KREMEN1: variants seen among roughly 807,000 people sequenced by gnomAD.
KREMEN1 encodes kremen protein 1.
A neutral mutation model predicts 46.5 loss-of-function variants in KREMEN1; 30 were observed. That is an observed-to-expected ratio of 0.65 (90% CI 0.48 to 0.88). The LOEUF (loss-of-function observed/expected upper bound fraction) is 0.88. KREMEN1 is among the 40% of genes least tolerant of loss of function. The pLI is 0.00. For synonymous variants in KREMEN1, 214 were observed against 230.6 expected (o/e 0.93, Z 0.65); for missense variants, 533 against 596.9 (o/e 0.89, Z 1.11).
At position 29,141,977 on chromosome 22, in the gene KREMEN1, G is replaced by A. The variant is rs16987147; in HGVS notation, c.1242G>A (p.Arg414=). ...GTGTTCCTGCTTCAGGGGACCTTAG[G>A]GATTGTCATCAACCAGGGACTTCGG... ...SHRVPASGDL[R]DCHQPGTSGE... is the part of the protein sequence containing the mutation. The change falls in exon 9 of 9, where the codon AGG becomes AGA. Residue 414 remains arginine, a synonymous_variant. Coordinates refer to ENST00000400335, the MANE Select transcript of KREMEN1 (RefSeq NM_001039570.3). The A allele has an allele frequency of 2.4e-3, 3,818 of 1,611,474 alleles. 74 individuals are homozygous for A. In the East Asian group the frequency reaches 0.032, roughly 13 times the overall value.
chr22:29,125,481 T>TGGGGGG, intron 5 of KREMEN1, 65 bp downstream of exon 5: 1 of 1,530,716 alleles, frequency 6.5e-7, no homozygotes, highest in Non-Finnish European at 9.0e-7. Flanking sequence ...GCAACAAGCC[T>TGGGGGG]GCCCACCCTC....
chr22:29,142,181 T>TAA lies in KREMEN1; in HGVS notation c.*69_*70insAA, dbSNP rs2038775067. 1.4e-6 allele frequency: 2 copies of TAA among 1,472,212 alleles called. No homozygotes were observed. The highest frequency in any genetic ancestry group is 4.8e-5 in the Admixed American group (2 of 41,318). 91.2% of individuals were successfully genotyped at this position (1,472,212 alleles called of 1,614,324 possible). ...AGGCTGCCGTGGTCAACCTCTCCTG[T>TAA]GGTTCTTCTCTGACAGACTCTTCCC... is the stretch of plus-strand genomic sequence containing the variant. On this transcript the variant is annotated 3_prime_UTR_variant, in exon 9 of 9. Coordinates refer to ENST00000400335, the MANE Select transcript of KREMEN1 (RefSeq NM_001039570.3).
intron 1 of KREMEN1, among the ~76,000 whole-genome samples, chr22:29,078,304 A>T (rs1476418005): frequency 6.6e-6 from 1 of 152,120 alleles, no homozygotes; most frequent in Non-Finnish European, 1.5e-5. Context: ...AATGTCCTAA[A>T]GAGAAATTCA....
chr22:29,100,599 A>G (rs796331676), intron 3 of KREMEN1, among the ~76,000 whole-genome samples: 1 of 152,228 alleles, frequency 6.6e-6, no homozygotes, highest in African/African-American at 2.4e-5. Flanking sequence ...ATACTTGATA[A>G]TGATAGTAAA....
intron 1 of KREMEN1, among the ~76,000 whole-genome samples, chr22:29,083,880 G>A (rs1428254581): frequency 6.6e-6 from 1 of 151,884 alleles, no homozygotes; most frequent in Non-Finnish European, 1.5e-5. Context: ...AAAGTGAAAA[G>A]GAGTTTATTA....
At chr22:29,085,308 C>G (rs2037712320) in intron 1 of KREMEN1, among the ~76,000 whole-genome samples, 1 of 152,144 alleles carries the variant, frequency 6.6e-6, no homozygotes, top group South Asian at 2.1e-4. Context: ...TTAACCATGG[C>G]TAATGTTATT....
intron 3 of KREMEN1, among the ~76,000 whole-genome samples, chr22:29,103,511 C>T (rs2038006183): frequency 6.6e-6 from 1 of 152,146 alleles, no homozygotes; most frequent in Non-Finnish European, 1.5e-5. Flanking sequence ...ATTGGATTTG[C>T]CCCTGAAACT....
chr22:29,159,606 G>A (rs951972317), intron 9 of KREMEN1, among the ~76,000 whole-genome samples: 4 of 150,696 alleles, frequency 2.7e-5, no homozygotes, highest in Admixed American at 1.3e-4. Context: ...GCAACAGAGC[G>A]AGACTCTGTC....
At chr22:29,090,843 C>G (rs1378973591) in intron 1 of KREMEN1, among the ~76,000 whole-genome samples, 1 of 152,212 alleles carries the variant, frequency 6.6e-6, no homozygotes, top group Non-Finnish European at 1.5e-5. Flanking sequence ...TACACTGCCT[C>G]AGTTTCACCA....
chr22:29,138,626 G>A lies in KREMEN1; in HGVS notation c.967G>A (p.Val323Ile), dbSNP rs373369946. ...AQGFAVLYQA[V>I]KEELPQERPA... ...GTTAATTGCTTTTTCTCTTCCAGCCGTCAAGGAAGAACTGCCACAGGAGAG... is the reference window on the plus strand; with the variant it reads ...GTTAATTGCTTTTTCTCTTCCAGCCATCAAGGAAGAACTGCCACAGGAGAG... Residue 323 changes from valine (V) to isoleucine (I), a missense_variant and splice_region_variant, in exon 7 of 9, where the codon GTC becomes ATC. By Grantham distance (29) the Val-to-Ile change is conservative (BLOSUM62 3). Coordinates refer to ENST00000400335, the MANE Select transcript of KREMEN1 (RefSeq NM_001039570.3). The A allele has an allele frequency of 2.5e-5, 41 of 1,614,114 alleles. No individual in the cohort carries two copies. The Admixed American group carries it at 4.2e-4, about 16-fold the overall frequency.
chr22:29,141,447 T>C (rs2038761316), intron 8 of KREMEN1, among the ~76,000 whole-genome samples: 1 of 152,214 alleles, frequency 6.6e-6, no homozygotes, highest in Non-Finnish European at 1.5e-5. Context: ...GCTGAGGCCC[T>C]AAAGTGCATG....
chr22:29,123,527 C>A (rs2038392240), intron 4 of KREMEN1, among the ~76,000 whole-genome samples: 1 of 152,192 alleles, frequency 6.6e-6, no homozygotes, highest in Non-Finnish European at 1.5e-5. Flanking sequence ...CGTGGTGGCT[C>A]AAGCCTGTAA....
In KREMEN1 at chr22:29,091,078, A is replaced by C. The variant is rs540275440; in HGVS notation, c.98-3180A>C. On this transcript the variant is annotated intron_variant, in intron 1 of 8. Transcript: ENST00000400335. ...AACCTCCGCCTCCTGGGTTCAAGCG[A>C]TTCTCCTGCCTCAGCTTCCCAAGTA... 2.6e-5 allele frequency among the ~76,000 whole-genome samples: 4 copies of C among 152,284 alleles called. No individual in the cohort carries two copies. The South Asian group carries it at 6.2e-4, about 24-fold the overall frequency.
At chr22:29,156,344 G>C (rs5763006) in intron 9 of KREMEN1, among the ~76,000 whole-genome samples, 126,062 of 152,266 alleles carry the variant, frequency 0.83, 52,928 homozygotes, top group Non-Finnish European at 0.9. Flanking sequence ...GCCACTTGCA[G>C]TACAGATGTT....
intron 1 of KREMEN1, among the ~76,000 whole-genome samples, chr22:29,080,241 G>A (rs1377453806): frequency 6.6e-6 from 1 of 152,160 alleles, no homozygotes; most frequent in Non-Finnish European, 1.5e-5. Context: ...TCATTAAAGT[G>A]TTTCTGTTGT....
intron 9 of KREMEN1, among the ~76,000 whole-genome samples, chr22:29,156,879 T>G (rs991489088): frequency 7.2e-5 from 11 of 152,194 alleles, no homozygotes; most frequent in Non-Finnish European, 1.5e-5. Flanking sequence ...ATGAGGTAGG[T>G]ACAGTTCTAT....
intron 8 of KREMEN1, 52 bp from the exon 9 acceptor site, chr22:29,141,891 AG>A: frequency 7.2e-7 from 1 of 1,379,710 alleles, no homozygotes; most frequent in Non-Finnish European, 9.9e-7. Flanking sequence ...GTGAGATGGT[AG>A]GTTGTTTGCG....
At chr22:29,155,909 AGAC>A (rs2038956928) in intron 9 of KREMEN1, among the ~76,000 whole-genome samples, 1 of 151,614 alleles carries the variant, frequency 6.6e-6, no homozygotes, top group South Asian at 2.1e-4. Context: ...CAGTGAACTG[AGAC>A]GGTGCCACTG....
At chr22:29,106,902 A>T (rs1396838133) in intron 3 of KREMEN1, among the ~76,000 whole-genome samples, 1 of 152,220 alleles carries the variant, frequency 6.6e-6, no homozygotes, top group African/African-American at 2.4e-5. Flanking sequence ...TCATGCTGTT[A>T]GCTCTAAGTC....
Sources: allele counts gnomAD v4.1 joint callset (sites outside exome capture counted in the v4.1 genomes callset), GRCh38; gene constraint gnomAD v4.1.1; transcripts MANE v1.5; gene names NCBI Gene and HGNC (gene_info 2026-07-23, HGNC 2026-07-21).